The following ZFAT variants were observed in gnomAD, a reference collection of about 807,000 sequenced individuals.
The protein encoded by ZFAT is zinc finger protein ZFAT.
In ZFAT, 64 loss-of-function variants were observed where a neutral mutation model predicts 117.7. The observed-to-expected ratio is 0.54, with a 90% CI of 0.44 to 0.67. The LOEUF is 0.67. Among genes scored for constraint, ZFAT ranks in the 30% least tolerant of loss-of-function variants. The probability of loss-of-function intolerance (pLI) is 0.00; values close to 1 mark genes in which losing one functional copy is unlikely to be tolerated. For synonymous variants in ZFAT, 679 were observed against 615.0 expected (o/e 1.10, Z -1.54); for missense variants, 1,433 against 1,584.5 (o/e 0.90, Z 1.62).
chr8:134,816,623 A>G, the ZFAT span, among the ~76,000 whole-genome samples: 7 of 152,314 alleles, frequency 4.6e-5, no homozygotes, highest in East Asian at 5.8e-4. Context: ...TTTAATAATG[A>G]AAAGAAGGCT....
chr8:134,817,571 C>CTA, the ZFAT span, among the ~76,000 whole-genome samples: 1 of 152,098 alleles, frequency 6.6e-6, no homozygotes, highest in African/African-American at 2.4e-5. Flanking sequence ...AAACCAAGTG[C>CTA]TATACCATGT....
intron 3 of ZFAT, among the ~76,000 whole-genome samples, chr8:134,636,564 C>G (rs1830222527): frequency 6.6e-6 from 1 of 152,218 alleles, no homozygotes; most frequent in African/African-American, 2.4e-5. Flanking sequence ...CAAACCCAGA[C>G]AGCCGTAACC....
At chr8:134,727,762 C>T in the ZFAT span, among the ~76,000 whole-genome samples, 2 of 152,124 alleles carry the variant, frequency 1.3e-5, no homozygotes, top group East Asian at 3.9e-4. Context: ...ACTGAAGCTA[C>T]TCCACTCTGC....
chr8:134,529,308 C>T (rs973106556), intron 12 of ZFAT, among the ~76,000 whole-genome samples: 1 of 152,202 alleles, frequency 6.6e-6, no homozygotes, highest in African/African-American at 2.4e-5. Flanking sequence ...GTATCTGATG[C>T]CTCTCACAGC....
chr8:134,550,310 G>GAAAAAAAAAAAAA lies in ZFAT; in HGVS notation c.2976+15010_2976+15022dup, dbSNP rs10680896. 5.1e-3 allele frequency among the ~76,000 whole-genome samples: 371 copies of GAAAAAAAAAAAAA among 72,490 alleles called. 33 individuals carry two copies. Among genetic ancestry groups the GAAAAAAAAAAAAA allele is most frequent in the Non-Finnish European group, 7.1e-3 (277 of 38,870 alleles). 47.6% of individuals were successfully genotyped at this position (72,490 alleles called of 152,430 possible). A position where few individuals can be genotyped will look rare whatever the true frequency, so the allele number is the denominator to read the frequency against. On this transcript the variant is annotated intron_variant, in intron 11 of 15. Coordinates refer to ENST00000377838, the MANE Select transcript of ZFAT (RefSeq NM_020863.4). Reference sequence around the variant, plus strand: ...ATTCCATCCAGGGTTGGTCACAACGGAAAAAAAAAAAAAAAAAAAAAACAG... The same window carrying GAAAAAAAAAAAAA: ...ATTCCATCCAGGGTTGGTCACAACGGAAAAAAAAAAAAAAAAAAAAAAAAAAAAAAAAAAACAG...
intron 13 of ZFAT, among the ~76,000 whole-genome samples, chr8:134,517,103 T>C (rs930868844): frequency 3.3e-5 from 5 of 152,198 alleles, no homozygotes; most frequent in African/African-American, 1.2e-4. Flanking sequence ...ACTGCAGTTT[T>C]TGCAGTTTGT....
intron 11 of ZFAT, among the ~76,000 whole-genome samples, chr8:134,542,009 C>G (rs1397881296): frequency 6.6e-6 from 1 of 152,210 alleles, no homozygotes; most frequent in Non-Finnish European, 1.5e-5. Context: ...ATGCCAGGAC[C>G]TTGAAGGCCA....
At chr8:134,814,470 G>A in the ZFAT span, among the ~76,000 whole-genome samples, 1 of 152,174 alleles carries the variant, frequency 6.6e-6, no homozygotes, top group Non-Finnish European at 1.5e-5. Flanking sequence ...AAGATAGGTA[G>A]GTCTTACTGG....
chr8:134,509,988 G>C, intron 14 of ZFAT: 1 of 535,976 alleles, frequency 1.9e-6, no homozygotes, highest in Non-Finnish European at 3.5e-6. Flanking sequence ...ACATTGAGAC[G>C]TTATTTGCAT....
chr8:134,650,368 C>T (rs1253086579), intron 2 of ZFAT, among the ~76,000 whole-genome samples: 2 of 151,994 alleles, frequency 1.3e-5, no homozygotes, highest in Non-Finnish European at 2.9e-5. Context: ...CCTCATGATC[C>T]GCCCACCTCA....
chr8:134,525,980 T>C (rs1480613551), intron 12 of ZFAT, among the ~76,000 whole-genome samples: 1 of 152,230 alleles, frequency 6.6e-6, no homozygotes, highest in Non-Finnish European at 1.5e-5. Context: ...TTAAATCAGA[T>C]AAAATCATGT....
At chr8:134,481,005 T>C (rs1362604789) in intron 15 of ZFAT, among the ~76,000 whole-genome samples, 1 of 152,202 alleles carries the variant, frequency 6.6e-6, no homozygotes, top group Non-Finnish European at 1.5e-5. Flanking sequence ...TGATTTGGAC[T>C]GATAGAATTC....
chr8:134,816,886 CAGG>C, the ZFAT span, among the ~76,000 whole-genome samples: 16 of 150,348 alleles, frequency 1.1e-4, no homozygotes, highest in African/African-American at 2.9e-4. Context: ...AAGGCCGAGG[CAGG>C]AGAATGGCTT....
chr8:134,654,032 C>T (rs1329362083), intron 2 of ZFAT, among the ~76,000 whole-genome samples: 1 of 152,132 alleles, frequency 6.6e-6, no homozygotes, highest in Non-Finnish European at 1.5e-5. Context: ...CACGGGGGCT[C>T]ATGCCTGTAA....
At chr8:134,703,421 T>G (rs778444670) in intron 1 of ZFAT, among the ~76,000 whole-genome samples, 7 of 152,248 alleles carry the variant, frequency 4.6e-5, no homozygotes, top group Non-Finnish European at 1.0e-4. Flanking sequence ...GGGAGTACCA[T>G]TCCCATAGAG....
intron 1 of ZFAT, among the ~76,000 whole-genome samples, chr8:134,711,826 T>C (rs753148364): frequency 5.3e-5 from 8 of 152,070 alleles, no homozygotes; most frequent in Non-Finnish European, 1.0e-4. Context: ...AAGCTGTTAT[T>C]TGAACTAAAG....
the ZFAT span, among the ~76,000 whole-genome samples, chr8:134,732,298 C>T: frequency 6.6e-6 from 1 of 152,144 alleles, no homozygotes; most frequent in Non-Finnish European, 1.5e-5. Context: ...GCTTTCCTCA[C>T]TGAAGCAAGC....
chr8:134,765,675 A>C, the ZFAT span: 40 of 151,666 alleles, frequency 2.6e-4, no homozygotes, highest in East Asian at 7.5e-3. Flanking sequence ...AATTCCCAAT[A>C]CTTTACCACC....
the ZFAT span, among the ~76,000 whole-genome samples, chr8:134,738,219 T>C: frequency 6.6e-6 from 1 of 152,124 alleles, no homozygotes; most frequent in South Asian, 2.1e-4. Context: ...AGGACTCAAG[T>C]TTCCTTGAAT....
Sources: gnomAD v4.1 joint callset for allele counts (sites outside exome capture counted in the v4.1 genomes callset) on GRCh38, gnomAD v4.1.1 for gene constraint, MANE v1.5 for transcripts, NCBI Gene and HGNC (gene_info 2026-07-23, HGNC 2026-07-21) for gene names.